The following CFAP95 variants were observed in gnomAD, a reference collection of about 807,000 sequenced individuals.
CFAP95 encodes cilia- and flagella-associated protein 95.
At chr9:69,885,757 T>C in the CFAP95 span, among the ~76,000 whole-genome samples, 1 of 152,116 alleles carries the variant, frequency 6.6e-6, no homozygotes. Flanking sequence ...TGGCAAAGAA[T>C]GTGGGTCAAA....
At chr9:69,905,449 TA>T in the CFAP95 span, among the ~76,000 whole-genome samples, 3 of 152,332 alleles carry the variant, frequency 2.0e-5, no homozygotes, top group African/African-American at 7.2e-5. Context: ...ATAAACATCT[TA>T]AACACTACAC....
chr9:69,856,557 T>A, the CFAP95 span: 1 of 1,593,908 alleles, frequency 6.3e-7, no homozygotes, highest in Non-Finnish European at 8.6e-7. Flanking sequence ...GTTTCCAGAT[T>A]TGGACATCAG....
the CFAP95 span, among the ~76,000 whole-genome samples, chr9:69,891,718 TA>T: frequency 6.6e-6 from 1 of 152,300 alleles, no homozygotes; most frequent in Admixed American, 6.5e-5. Context: ...TTTCATTTTG[TA>T]AAAAATACCC....
the CFAP95 span, among the ~76,000 whole-genome samples, chr9:69,847,109 G>C: frequency 6.6e-6 from 1 of 152,156 alleles, no homozygotes; most frequent in East Asian, 1.9e-4. Flanking sequence ...GGGAGTGCGG[G>C]GCAGGGACAG....
the CFAP95 span, among the ~76,000 whole-genome samples, chr9:69,853,181 A>G: frequency 1.4e-4 from 21 of 152,168 alleles, no homozygotes; most frequent in Admixed American, 1.4e-3. Flanking sequence ...TGCCAAGGGT[A>G]AGTCATCCTC....
the CFAP95 span, among the ~76,000 whole-genome samples, chr9:69,892,951 G>C: frequency 1.3e-5 from 2 of 152,148 alleles, no homozygotes; most frequent in Non-Finnish European, 2.9e-5. Flanking sequence ...TCTTTGATTT[G>C]TTTGTATGAT....
the CFAP95 span, chr9:69,905,863 T>A: frequency 7.3e-6 from 7 of 964,394 alleles, no homozygotes; most frequent in East Asian, 2.2e-4. Context: ...CCTTCAATCA[T>A]AAGAATAATA....
At chr9:69,856,909 T>C in the CFAP95 span, among the ~76,000 whole-genome samples, 180 of 143,278 alleles carry the variant, frequency 1.3e-3, 1 homozygote, top group African/African-American at 4.4e-3. Context: ...TGCCATTTCC[T>C]CTTTATATGT....
the CFAP95 span, among the ~76,000 whole-genome samples, chr9:69,894,220 TTC>T: frequency 6.6e-6 from 1 of 152,194 alleles, no homozygotes; most frequent in African/African-American, 2.4e-5. Flanking sequence ...ACAGTTCTGG[TTC>T]TGAGTCTCAT....
chr9:69,861,721 C>A, the CFAP95 span, among the ~76,000 whole-genome samples: 3 of 99,488 alleles, frequency 3.0e-5, no homozygotes, highest in Non-Finnish European at 5.5e-5. Flanking sequence ...TCTCCATATT[C>A]TTATGAGTCA....
At chr9:69,844,724 G>T in the CFAP95 span, 1 of 753,676 alleles carries the variant, frequency 1.3e-6, no homozygotes, top group Non-Finnish European at 2.1e-6. Context: ...ACCATCCCTC[G>T]TTAACTGTGT....
chr9:69,837,913 G>T, the CFAP95 span, among the ~76,000 whole-genome samples: 6 of 152,170 alleles, frequency 3.9e-5, no homozygotes, highest in Admixed American at 2.0e-4. Flanking sequence ...TTTGTATAAG[G>T]TGTAAGGAAG....
At chr9:69,887,645 T>A in the CFAP95 span, among the ~76,000 whole-genome samples, 24 of 152,240 alleles carry the variant, frequency 1.6e-4, no homozygotes, top group African/African-American at 4.8e-4. Flanking sequence ...TAAAAGATAA[T>A]GTGGCAGTTT....
At chr9:69,900,805 G>A in the CFAP95 span, among the ~76,000 whole-genome samples, 1 of 152,186 alleles carries the variant, frequency 6.6e-6, no homozygotes, top group African/African-American at 2.4e-5. Context: ...GAAAGGAAAG[G>A]GCCATCTGAG....
chr9:69,895,165 A>G, the CFAP95 span, among the ~76,000 whole-genome samples: 2 of 152,194 alleles, frequency 1.3e-5, no homozygotes, highest in Non-Finnish European at 2.9e-5. Flanking sequence ...TTTAGTAAAG[A>G]TTATTCCAAA....
the CFAP95 span, among the ~76,000 whole-genome samples, chr9:69,842,259 C>A: frequency 6.6e-6 from 1 of 151,998 alleles, no homozygotes; most frequent in Non-Finnish European, 1.5e-5. Context: ...AGGATGGAGA[C>A]CTGCATGGAT....
At chr9:69,870,777 T>A in the CFAP95 span, among the ~76,000 whole-genome samples, 1 of 152,162 alleles carries the variant, frequency 6.6e-6, no homozygotes. Flanking sequence ...GTAAACAGGA[T>A]GCAAGGGAGC....
At chr9:69,870,635 A>G in the CFAP95 span, among the ~76,000 whole-genome samples, 1 of 152,218 alleles carries the variant, frequency 6.6e-6, no homozygotes, top group Admixed American at 6.5e-5. Context: ...TCCTACATCT[A>G]TTTTATGGAC....
At chr9:69,899,851 ATCC>A in the CFAP95 span, among the ~76,000 whole-genome samples, 1 of 152,188 alleles carries the variant, frequency 6.6e-6, no homozygotes. Flanking sequence ...ATTTACACTC[ATCC>A]TGTGTGACTC....
Sources: gnomAD v4.1 joint callset for allele counts (sites outside exome capture counted in the v4.1 genomes callset) on GRCh38, gnomAD v4.1.1 for gene constraint, MANE v1.5 for transcripts, NCBI Gene and HGNC (gene_info 2026-07-23, HGNC 2026-07-21) for gene names.